The following ZSCAN31 variants were observed in gnomAD, a reference collection of about 807,000 sequenced individuals.
ZSCAN31 encodes the protein zinc finger and SCAN domain-containing protein 31.
Under a neutral mutation model 22.5 loss-of-function variants are expected in ZSCAN31, and 14 were observed. The observed-to-expected ratio is 0.62, with a 90% confidence interval of 0.41 to 0.97. The LOEUF (loss-of-function observed/expected upper bound fraction) is 0.97, where lower values mean the gene tolerates loss of function less well. Among genes scored for constraint, ZSCAN31 ranks in the 50% least tolerant of loss-of-function variants. The pLI, the probability that ZSCAN31 is intolerant of heterozygous loss-of-function variation, is 0.00. For synonymous variants in ZSCAN31, 168 were observed against 169.8 expected, an observed-to-expected ratio of 0.99 and a Z score of 0.08; for missense variants, 424 against 483.4, an observed-to-expected ratio of 0.88 and a Z score of 1.15.
At chr6:28,329,241 G>A in intron 2 of ZSCAN31, 62 bp downstream of exon 2, 2 of 1,520,560 alleles carry the variant, frequency 1.3e-6, no homozygotes, top group Non-Finnish European at 1.8e-6. Flanking sequence ...ACCAACCTGT[G>A]TCACCAAACC....
chr6:28,351,624 C>T lies in ZSCAN31; in HGVS notation c.-371+2238G>A, dbSNP rs1765021931. On this transcript the variant is annotated intron_variant, in intron 2 of 7. Coordinates refer to the ZSCAN31 transcript ENST00000396838. This position sits in a 1 kb window ranked among gnomAD's most constrained non-coding sequence, Gnocchi z 4.6. ...CCTCCTTTCCACTCTCTTTCCTTCC[C>T]TTCTCCTCCTCCTTCCCTTTTGTCT... is the stretch of plus-strand genomic sequence containing the variant. 2.0e-5 allele frequency among the ~76,000 whole-genome samples: 3 copies of T among 151,170 alleles called. No homozygotes were observed. Among genetic ancestry groups the T allele is most frequent in the Admixed American group, 6.6e-5 (1 of 15,082 alleles).
At position 28,344,346 on chromosome 6, in the gene ZSCAN31, G is replaced by C. The variant is rs556006658; in HGVS notation, c.-370-2554C>G. Among the ~76,000 whole-genome samples the C allele has an allele frequency of 2.0e-5, 3 of 152,274 alleles. No individual in the cohort carries two copies. The South Asian group carries it at 6.2e-4, about 32-fold the overall frequency. Reference sequence around the variant, plus strand: ...ATTATAGTTCTATCAGATCCACCAAGATATCAGATTGGATGGGTCCAGCAA... The same window carrying C: ...ATTATAGTTCTATCAGATCCACCAACATATCAGATTGGATGGGTCCAGCAA... On this transcript the variant is annotated intron_variant, in intron 2 of 7. Coordinates refer to the ZSCAN31 transcript ENST00000396838.
At chr6:28,339,279 T>C (rs917329439), upstream of ZSCAN31, among the ~76,000 whole-genome samples, 4 of 152,218 alleles carry the variant, frequency 2.6e-5, no homozygotes, top group Non-Finnish European at 5.9e-5. Flanking sequence ...TTCTTTTGTT[T>C]CTCACATTCC....
chr6:28,352,911 TG>T (rs2113892616), intron 2 of ZSCAN31, among the ~76,000 whole-genome samples: 1 of 152,230 alleles, frequency 6.6e-6, no homozygotes, highest in Non-Finnish European at 1.5e-5. Flanking sequence ...GACTTGGAAT[TG>T]TTTTTCCCTT....
At chr6:28,355,344 C>A (rs749649379), upstream of ZSCAN31, 2 of 152,166 alleles carry the variant, frequency 1.3e-5, no homozygotes, top group Non-Finnish European at 2.9e-5. Flanking sequence ...GTAAGTCATG[C>A]GCGCGACGAC....
At position 28,329,383 on chromosome 6, in the gene ZSCAN31, C is replaced by G; in HGVS notation, c.301G>C (p.Glu101Gln). Residue 101 changes from glutamate (E) to glutamine (Q), a missense_variant, in exon 2 of 4, where the codon GAG becomes CAG. Physicochemically the swap from Glu to Gln is conservative, Grantham distance 29 (BLOSUM62 2). Transcript: ENST00000344279. ...TCCTCCCCACTCTCCGGATGGTGCT[C>G]CCGCACCCAGGCCTGGAGCTCCTCA... Reference protein sequence around the residue: ...LPEELQAWVREHHPESGEEAV... With the variant: ...LPEELQAWVRQHHPESGEEAV... The G allele has an allele frequency of 6.2e-7, 1 of 1,614,162 alleles. No individual in the cohort carries two copies. Among genetic ancestry groups the G allele is most frequent in the Non-Finnish European group, 8.5e-7 (1 of 1,180,014 alleles).
At chr6:28,354,003 C>T (rs750332451) in intron 1 of ZSCAN31, 24 of 453,914 alleles carry the variant, frequency 5.3e-5, no homozygotes, top group Middle Eastern at 6.9e-4. Context: ...CTGCAGCTCT[C>T]ACACTGTCTG....
chr6:28,346,342 C>CTTTTTTTT lies in ZSCAN31; in HGVS notation c.-370-4558_-370-4551dup, dbSNP rs5875155. Among the ~76,000 whole-genome samples the CTTTTTTTT allele has an allele frequency of 3.4e-3, 301 of 87,746 alleles. 19 individuals carry two copies. Among genetic ancestry groups the CTTTTTTTT allele is most frequent in the African/African-American group, 8.9e-3 (190 of 21,368 alleles). 57.6% of individuals were successfully genotyped at this position (87,746 alleles called of 152,430 possible). On this transcript the variant is annotated intron_variant, in intron 2 of 7. Transcript: ENST00000396838. ...GCTTCTTGCTTCTCCTCAGTACAAT[C>CTTTTTTTT]TTTTTTTTTTTTTTTTTTTTTTTTT...
upstream of ZSCAN31, among the ~76,000 whole-genome samples, chr6:28,339,518 C>A (rs1051301994): frequency 6.6e-6 from 1 of 152,158 alleles, no homozygotes; most frequent in Non-Finnish European, 1.5e-5. Context: ...AAACTCCTGA[C>A]CTCAGGTGAT....
rs1763225725 is a variant in ZSCAN31, at chr6:28,325,945, G to A, written c.*221C>T. ...CCCTACAATCACAGTCATCCACACA[G>A]GAGACACCAACACCTGGTTTGTAGA... On this transcript the variant is annotated 3_prime_UTR_variant, in exon 4 of 4. Coordinates refer to ENST00000344279, the MANE Select transcript of ZSCAN31 (RefSeq NM_030899.5). The A allele has an allele frequency of 4.5e-6, 2 of 449,008 alleles. No individual in the cohort carries two copies. The highest frequency in any genetic ancestry group is 7.9e-6 in the Non-Finnish European group (2 of 251,980). The allele number at this position is 449,008 out of a possible 1,614,324, so 27.8% of individuals were successfully genotyped here. A position where few individuals can be genotyped will look rare whatever the true frequency, so the allele number is the denominator to read the frequency against.
intron 1 of ZSCAN31, chr6:28,353,978 A>C: frequency 2.2e-6 from 1 of 454,716 alleles, no homozygotes; most frequent in Non-Finnish European, 4.4e-6. Flanking sequence ...ATATGATTTT[A>C]TTCAGCAGCA....
At chr6:28,329,060 G>A (rs1482273817) in intron 2 of ZSCAN31, among the ~76,000 whole-genome samples, 1 of 152,150 alleles carries the variant, frequency 6.6e-6, no homozygotes, top group African/African-American at 2.4e-5. Flanking sequence ...AAGACCTCCT[G>A]CCAACAGCCA....
intron 2 of ZSCAN31, among the ~76,000 whole-genome samples, chr6:28,344,825 A>G (rs1301855814): frequency 6.6e-6 from 1 of 152,030 alleles, no homozygotes; most frequent in Non-Finnish European, 1.5e-5. Flanking sequence ...GCTGGTTTTT[A>G]GGGAACTAGA....
intron 2 of ZSCAN31, among the ~76,000 whole-genome samples, chr6:28,342,525 C>A (rs1006636956): frequency 6.6e-6 from 1 of 152,154 alleles, no homozygotes; most frequent in African/African-American, 2.4e-5. Context: ...GCAGTAGGAC[C>A]TAGCCAACAT....
At chr6:28,335,653 G>A (rs956594285) in intron 1 of ZSCAN31, among the ~76,000 whole-genome samples, 1 of 152,136 alleles carries the variant, frequency 6.6e-6, no homozygotes, top group African/African-American at 2.4e-5. Flanking sequence ...ATTGGTCCCG[G>A]ACCAAGCTGA....
In ZSCAN31 at chr6:28,326,069, T is replaced by C; in HGVS notation, c.*97A>G. The C allele has an allele frequency of 8.7e-7, 1 of 1,144,244 alleles. No individual in the cohort carries two copies. Among genetic ancestry groups the C allele is most frequent in the Non-Finnish European group, 1.2e-6 (1 of 807,322 alleles). The allele number at this position is 1,144,244 out of a possible 1,614,324, so 70.9% of individuals were successfully genotyped here. On this transcript the variant is annotated 3_prime_UTR_variant, in exon 4 of 4. Transcript: ENST00000344279. Reference sequence around the variant, plus strand: ...ACGGCCCCATTTAGGGGTCTGAGGGTCCACAGAATTAGTCCAGTTCTGCTG... The same window carrying C: ...ACGGCCCCATTTAGGGGTCTGAGGGCCCACAGAATTAGTCCAGTTCTGCTG...
At position 28,349,965 on chromosome 6, in the gene ZSCAN31, G is replaced by A. The variant is rs1245376417; in HGVS notation, c.-371+3897C>T. ...GTGGTTTGCTAGTTTCAAGCACTTTGTGAGTATGGGGTGAATCGGCGTCGG... is the reference window on the plus strand; with the variant it reads ...GTGGTTTGCTAGTTTCAAGCACTTTATGAGTATGGGGTGAATCGGCGTCGG... On this transcript the variant is annotated intron_variant, in intron 2 of 7. Transcript: ENST00000396838. This position sits in a 1 kb window ranked among gnomAD's most constrained non-coding sequence, Gnocchi z 4.1. 6.6e-6 allele frequency: 1 copy of A among 152,254 alleles called. No individual in the cohort carries two copies. The highest frequency in any genetic ancestry group is 1.5e-5 in the Non-Finnish European group (1 of 68,076). 9.4% of individuals were successfully genotyped at this position (152,254 alleles called of 1,614,324 possible).
chr6:28,326,898 T>TAAAG, intron 3 of ZSCAN31, 44 bp from the exon 4 acceptor site: 2 of 1,451,736 alleles, frequency 1.4e-6, no homozygotes, highest in Non-Finnish European at 1.9e-6. Context: ...CTTTCCTTTA[T>TAAAG]GAAAGAATAC....
chr6:28,338,389 T>C (rs1448829459), upstream of ZSCAN31, among the ~76,000 whole-genome samples: 1 of 151,950 alleles, frequency 6.6e-6, no homozygotes, highest in Non-Finnish European at 1.5e-5. Context: ...TCTCGAAAAA[T>C]AAATAAATAA....
Sources: allele counts gnomAD v4.1 joint callset (sites outside exome capture counted in the v4.1 genomes callset), GRCh38; gene constraint gnomAD v4.1.1; non-coding constraint Gnocchi (gnomAD v3.1); transcripts MANE v1.5; gene names NCBI Gene and HGNC (gene_info 2026-07-23, HGNC 2026-07-21).